Variants in MYH10 observed in about 807,000 individuals in gnomAD.
MYH10 encodes myosin heavy chain 10, also known as myosin-10.
A neutral mutation model predicts 257.8 loss-of-function variants in MYH10; 55 were observed. That is an observed-to-expected ratio of 0.21 (90% confidence interval 0.17 to 0.27). The LOEUF (loss-of-function observed/expected upper bound fraction) is 0.27, where lower values mean the gene tolerates loss of function less well. Ranked by LOEUF, MYH10 falls within the 10% of genes least tolerant of loss-of-function variation. MYH10 has a pLI of 1.00. For synonymous variants in MYH10, 854 were observed against 921.7 expected (o/e 0.93, Z 1.33); for missense variants, 1,631 against 2,500.6 (o/e 0.65, Z 7.42).
intron 37 of MYH10, among the ~76,000 whole-genome samples, chr17:8,482,653 G>A (rs1274259465): frequency 6.6e-6 from 1 of 152,220 alleles, no homozygotes; most frequent in African/African-American, 2.4e-5. Context: ...AGGTGTTTGA[G>A]GGAAGGAAAA....
chr17:8,584,833 A>G lies in MYH10; in HGVS notation c.530+4248T>C, dbSNP rs75477389. Among the ~76,000 whole-genome samples, 165 of 152,088 alleles carry G rather than the reference A, an allele frequency of 1.1e-3. 1 individual carries two copies. The highest frequency in any genetic ancestry group is 3.8e-3 in the African/African-American group (159 of 41,506). ...ATAAAACCATGTTGCATCTAGTTGT[A>G]TTTATTTTTTATTTATTTACTTATT... On this transcript the variant is annotated intron_variant, in intron 4 of 42. Coordinates refer to ENST00000360416, the MANE Select transcript of MYH10 (RefSeq NM_001256012.3).
intron 2 of MYH10, among the ~76,000 whole-genome samples, chr17:8,620,263 G>T (rs984995965): frequency 6.6e-6 from 1 of 152,008 alleles, no homozygotes; most frequent in East Asian, 1.9e-4. Context: ...ATAATAAAAA[G>T]ATAACTTAAA....
At position 8,490,438 on chromosome 17, in the gene MYH10, G is replaced by C; in HGVS notation, c.4786C>G (p.Leu1596Val). Residue 1596 changes from leucine to valine, a missense_variant, in exon 35 of 43, where the codon CTG (leucine) becomes GTG (valine). By Grantham distance (32) the Leu-to-Val change is conservative. Coordinates refer to ENST00000360416, the MANE Select transcript of MYH10 (RefSeq NM_001256012.3). This position sits in a 1 kb window ranked among gnomAD's most constrained non-coding sequence, Gnocchi z 4.1. The part of the protein sequence containing the change: ...LQATEDAKLR[L>V]EVNMQAMKAQ... ...TTCATGGCCTGCATGTTGACCTCCAGACGAAGCTTGGCATCTTCCGTGGCC... is the reference window on the plus strand; with the variant it reads ...TTCATGGCCTGCATGTTGACCTCCACACGAAGCTTGGCATCTTCCGTGGCC... 1 of 1,614,218 alleles carries C rather than the reference G, an allele frequency of 6.2e-7. No homozygotes were observed. The highest frequency in any genetic ancestry group is 8.5e-7 in the Non-Finnish European group (1 of 1,180,044).
Position 8,572,261 on chromosome 17 carries a change from TGAGAGAGA to T in MYH10, c.664-2457_664-2450del, listed in dbSNP as rs66710491. ...GTGTGTGTGTGTGTGTGTGTGTGAG[TGAGAGAGA>T]GAGAGAGAGAGAGAGAGAGATCCAC... On this transcript the variant is annotated intron_variant, in intron 6 of 42. Transcript: ENST00000360416. Among the ~76,000 whole-genome samples the T allele has an allele frequency of 5.2e-4, 76 of 147,386 alleles. 1 individual carries two copies. Among genetic ancestry groups the T allele is most frequent in the East Asian group, 3.0e-3 (15 of 4,982 alleles).
At chr17:8,613,240 C>A (rs79224094) in intron 2 of MYH10, among the ~76,000 whole-genome samples, 4,159 of 151,768 alleles carry the variant, frequency 0.027, 106 homozygotes, top group South Asian at 0.15. Flanking sequence ...CCAGCAAAAA[C>A]CAAAAAAACT....
chr17:8,547,311 A>T (rs2082475497), intron 11 of MYH10, among the ~76,000 whole-genome samples: 1 of 152,090 alleles, frequency 6.6e-6, no homozygotes, highest in East Asian at 1.9e-4. Flanking sequence ...TGCATTTTAG[A>T]TGGCTCCATT....
At chr17:8,538,929 T>G (rs1180114818) in intron 14 of MYH10, among the ~76,000 whole-genome samples, 1 of 152,208 alleles carries the variant, frequency 6.6e-6, no homozygotes, top group Non-Finnish European at 1.5e-5. Context: ...GGGAGGTAAC[T>G]GGGTCATGGG....
chr17:8,508,788 A>T (rs1447074737), intron 25 of MYH10, 111 bp from the exon 26 acceptor site: 2 of 1,280,308 alleles, frequency 1.6e-6, no homozygotes, highest in East Asian at 4.8e-5. Context: ...TTCTATCGGC[A>T]CTGCCTCCCC....
chr17:8,485,981 T>C (rs561364021), intron 36 of MYH10, among the ~76,000 whole-genome samples: 2 of 152,174 alleles, frequency 1.3e-5, no homozygotes, highest in Non-Finnish European at 2.9e-5. Flanking sequence ...CACAGTAGAG[T>C]GTTACTCAGT....
chr17:8,497,655 T>C (rs1184287093), intron 30 of MYH10, among the ~76,000 whole-genome samples: 1 of 146,480 alleles, frequency 6.8e-6, no homozygotes, highest in Non-Finnish European at 1.5e-5. Flanking sequence ...AGGAGAATTG[T>C]GTGAACCCGG....
chr17:8,544,385 C>T (rs1031080336), intron 13 of MYH10, among the ~76,000 whole-genome samples: 1 of 152,172 alleles, frequency 6.6e-6, no homozygotes, highest in East Asian at 1.9e-4. Flanking sequence ...CTGTTTGTTG[C>T]AGTTGGAAAT....
At position 8,505,990 on chromosome 17, in the gene MYH10, AT is replaced by A. The variant is rs200343895; in HGVS notation, c.3386+327del. On this transcript the variant is annotated intron_variant, in intron 27 of 42. Coordinates refer to ENST00000360416, the MANE Select transcript of MYH10 (RefSeq NM_001256012.3). Reference sequence around the variant, plus strand: ...GTGAGACTCCATTCAAAAAAAAAAAATAAATAAAACATACTACAGTTAATCT... The same window carrying A: ...GTGAGACTCCATTCAAAAAAAAAAAAAAATAAAACATACTACAGTTAATCT... The A allele has an allele frequency of 6.0e-3, 1,113 of 187,048 alleles. 5 individuals are homozygous for A. Among genetic ancestry groups the A allele is most frequent in the Non-Finnish European group, 7.4e-3 (683 of 91,944 alleles). The allele number at this position is 187,048 out of a possible 1,614,324, so 11.6% of individuals were successfully genotyped here.
At chr17:8,497,143 T>G (rs983790147) in intron 30 of MYH10, among the ~76,000 whole-genome samples, 4 of 152,202 alleles carry the variant, frequency 2.6e-5, no homozygotes, top group Non-Finnish European at 4.4e-5. Flanking sequence ...CTGATTTTGC[T>G]TTGTATCTTT....
At chr17:8,495,304 C>T in intron 30 of MYH10, 63 bp from the exon 31 acceptor site, 7 of 1,059,292 alleles carry the variant, frequency 6.6e-6, no homozygotes, top group Middle Eastern at 2.2e-4. Context: ...TCTAGAAACA[C>T]AGCTTTTAAA....
rs557056439 is a variant in MYH10, at chr17:8,594,009, G to A, written c.503-4901C>T. Among the ~76,000 whole-genome samples the A allele has an allele frequency of 2.6e-5, 4 of 152,260 alleles. No individual in the cohort carries two copies. The South Asian group carries it at 8.3e-4, about 32-fold the overall frequency. ...TAGATCAAAGGAACAGAGAGTCCTG[G>A]AATAGACCTTTGTTGATTTTCCACA... On this transcript the variant is annotated intron_variant, in intron 3 of 42. Transcript: ENST00000360416.
In MYH10 at chr17:8,496,702, C is replaced by T. The variant is rs547441619; in HGVS notation, c.3952-1461G>A. On this transcript the variant is annotated intron_variant, in intron 30 of 42. Coordinates refer to ENST00000360416, the MANE Select transcript of MYH10 (RefSeq NM_001256012.3). ...GTGTGAGAGCACGCACACAATATTTCAGTACCTACACGTTAACACAGCAGG... is the reference window on the plus strand; with the variant it reads ...GTGTGAGAGCACGCACACAATATTTTAGTACCTACACGTTAACACAGCAGG... Among the ~76,000 whole-genome samples, 11 of 152,332 alleles carry T rather than the reference C, an allele frequency of 7.2e-5. No individual in the cohort carries two copies. In the South Asian group the frequency reaches 1.5e-3, roughly 20 times the overall value.
In MYH10 at chr17:8,490,449, G is replaced by C; in HGVS notation, c.4775C>G (p.Ala1592Gly). 1 of 1,614,202 alleles carries C rather than the reference G, an allele frequency of 6.2e-7. No homozygotes were observed. ...LEDELQATED[A>G]KLRLEVNMQA... ...CATGTTGACCTCCAGACGAAGCTTG[G>C]CATCTTCCGTGGCCTGGAGTTCGTC... is the stretch of plus-strand genomic sequence containing the variant. The change falls in exon 35 of 43, where the codon GCC (alanine) becomes GGC (glycine). Residue 1592 changes from alanine (A) to glycine (G), a missense_variant. By Grantham distance (60) the Ala-to-Gly change is moderately conservative. Coordinates refer to ENST00000360416, the MANE Select transcript of MYH10 (RefSeq NM_001256012.3). This position sits in a 1 kb window ranked among gnomAD's most constrained non-coding sequence, Gnocchi z 4.1.
At chr17:8,593,118 G>A (rs147093076) in intron 3 of MYH10, among the ~76,000 whole-genome samples, 43 of 151,014 alleles carry the variant, frequency 2.8e-4, no homozygotes, top group African/African-American at 9.2e-4. Flanking sequence ...GTAAAAAAGC[G>A]TTTGACAAAA....
chr17:8,546,090 G>A (rs1019253547), intron 12 of MYH10, among the ~76,000 whole-genome samples: 16 of 150,126 alleles, frequency 1.1e-4, no homozygotes, highest in African/African-American at 3.4e-4. Flanking sequence ...ACGGAGTCTC[G>A]TTCTGTTGCC....
Sources: allele counts gnomAD v4.1 joint callset (sites outside exome capture counted in the v4.1 genomes callset), GRCh38; gene constraint gnomAD v4.1.1; non-coding constraint Gnocchi (gnomAD v3.1); transcripts MANE v1.5; gene names NCBI Gene and HGNC (gene_info 2026-07-23, HGNC 2026-07-21).